GLT8D1: variants seen among roughly 807,000 people sequenced by gnomAD.
GLT8D1 encodes the protein glycosyltransferase 8 domain containing 1, also known as glycosyltransferase 8 domain-containing protein 1.
A neutral mutation model predicts 46.2 loss-of-function variants in GLT8D1; 41 were observed. That is an observed-to-expected ratio of 0.89 (90% CI 0.69 to 1.15). GLT8D1 has a LOEUF of 1.15. GLT8D1 is among the 50% of genes most tolerant of loss of function. The pLI is 0.00. For missense variants in GLT8D1, 408 were observed against 449.3 expected (o/e 0.91, Z 0.83); for synonymous variants, 150 against 154.2 (o/e 0.97, Z 0.20).
chr3:52,698,077 C>CT (rs1284994369), intron 3 of GLT8D1, 143 bp from the exon 4 acceptor site: 1 of 619,948 alleles, frequency 1.6e-6, no homozygotes, highest in Non-Finnish European at 2.9e-6. Flanking sequence ...AGCCCTGAAA[C>CT]TTTCCCTGTA....
At chr3:52,699,448 C>G (rs1276077825) in intron 3 of GLT8D1, among the ~76,000 whole-genome samples, 1 of 152,128 alleles carries the variant, frequency 6.6e-6, no homozygotes, top group Middle Eastern at 3.2e-3. Flanking sequence ...CCACGCCCAG[C>G]TAATTTTTGT....
Position 52,695,257 on chromosome 3 carries a change from A to T in GLT8D1, c.858T>A (p.Pro286=), listed in dbSNP as rs1311300013. Residue 286 remains proline (P), a synonymous_variant, in exon 9 of 10, where the codon CCT becomes CCA. Coordinates refer to ENST00000266014, the MANE Select transcript of GLT8D1 (RefSeq NM_018446.4). ...SRTLAGSITT[P]PLLIVFYQQH... ...GTTGATAAAATACGATAAGCAGAGG[A>T]GGTGTTGTGATGCTACCAGCCAGGG... is the stretch of plus-strand genomic sequence containing the variant. 6.2e-7 allele frequency: 1 copy of T among 1,613,864 alleles called. No homozygotes were observed. Among genetic ancestry groups the T allele is most frequent in the South Asian group, 1.1e-5 (1 of 91,050 alleles).
rs1309414335 is a variant in GLT8D1, at chr3:52,704,304, CA to C, written c.-37+1142del. ...TGAAACCCCGTCTCCACTAAAATCA[CA>C]AAAATTAGCCGGGCGTGGTGGCGCA... On this transcript the variant is annotated intron_variant, in intron 1 of 9. Transcript: ENST00000266014. Among the ~76,000 whole-genome samples the C allele has an allele frequency of 8.6e-5, 13 of 151,610 alleles. No homozygotes were observed. In the East Asian group the frequency reaches 2.3e-3, roughly 27 times the overall value.
At chr3:52,700,381 C>G in intron 2 of GLT8D1, 21 bp from the exon 3 acceptor site, 1 of 1,595,362 alleles carries the variant, frequency 6.3e-7, no homozygotes, top group Non-Finnish European at 8.6e-7. Context: ...TAGGGAAAAC[C>G]TATGTTATAC....
chr3:52,696,829 T>G (rs1348430037), intron 4 of GLT8D1, among the ~76,000 whole-genome samples, 170 bp from the exon 5 acceptor site: 1 of 101,040 alleles, frequency 9.9e-6, no homozygotes, highest in Non-Finnish European at 2.1e-5. Flanking sequence ...AGTCCCTCCC[T>G]GAATTAAGAT....
intron 4 of GLT8D1, 34 bp downstream of exon 4, chr3:52,697,687 C>T: frequency 7.0e-7 from 1 of 1,423,228 alleles, no homozygotes; most frequent in Non-Finnish European, 9.9e-7. Context: ...TCTAAATCAT[C>T]CTCTAGAAGC....
chr3:52,696,249 C>T lies in GLT8D1; in HGVS notation c.517G>A (p.Asp173Asn), dbSNP rs1561263550. The change falls in exon 6 of 10, where the codon GAT becomes AAT. Residue 173 changes from aspartate to asparagine, a missense_variant. Transcript: ENST00000266014. ...SAKKAIYMDD[D>N]VIVQGDILAL... is the part of the protein sequence containing the mutation. ...TTTTTGATACCTTGCACAATTACAT[C>T]ATCATCCATGTATATGGCCTTCTTT... The T allele has an allele frequency of 1.2e-6, 2 of 1,605,956 alleles. No homozygotes were observed. Among genetic ancestry groups the T allele is most frequent in the African/African-American group, 1.3e-5 (1 of 74,866 alleles).
chr3:52,702,532 C>T (rs904142852), intron 1 of GLT8D1, among the ~76,000 whole-genome samples: 6 of 151,836 alleles, frequency 4.0e-5, no homozygotes, highest in East Asian at 3.9e-4. Flanking sequence ...GGTGACAAAG[C>T]GACACCCTGT....
At chr3:52,700,958 A>T (rs907794477) in intron 1 of GLT8D1, among the ~76,000 whole-genome samples, 7 of 152,110 alleles carry the variant, frequency 4.6e-5, no homozygotes, top group African/African-American at 1.7e-4. Context: ...CCAGCTGCTC[A>T]GGAGGCTGAG....
chr3:52,698,346 ACAAT>A (rs1008070135), intron 3 of GLT8D1, among the ~76,000 whole-genome samples: 2 of 152,236 alleles, frequency 1.3e-5, no homozygotes, highest in African/African-American at 2.4e-5. Context: ...TGAGTGAGTC[ACAAT>A]CAATTTATAC....
rs1323889388 is a variant in GLT8D1 at position 52,696,301 on chromosome 3, G to T, written c.465C>A (p.Phe155Leu). The change falls in exon 6 of 10, where the codon TTC (phenylalanine) becomes TTA (leucine). Residue 155 changes from phenylalanine to leucine, a missense_variant. By Grantham distance (22) the Phe-to-Leu change is conservative. Transcript: ENST00000266014. ...ESMKPLTFAR[F>L]YLPILVPSAK... ...CGCTGGGAACCAGAATTGGCAAGTAGAACCTTGCAAAGGTTAACTGGAAAA... is the reference window on the plus strand; with the variant it reads ...CGCTGGGAACCAGAATTGGCAAGTATAACCTTGCAAAGGTTAACTGGAAAA... 2 of 1,608,738 alleles carry T rather than the reference G, an allele frequency of 1.2e-6. No homozygotes were observed. Among genetic ancestry groups the T allele is most frequent in the Admixed American group, 3.3e-5 (2 of 59,996 alleles).
intron 7 of GLT8D1, 115 bp from the exon 8 acceptor site, chr3:52,695,702 T>C: frequency 1.4e-6 from 1 of 693,796 alleles, no homozygotes; most frequent in South Asian, 1.9e-5. Flanking sequence ...AAAATAAATA[T>C]TTGAAATTCC....
intron 3 of GLT8D1, 142 bp downstream of exon 3, chr3:52,700,120 G>A: frequency 1.7e-6 from 1 of 593,094 alleles, no homozygotes; most frequent in South Asian, 2.3e-5. Context: ...CTCTGATTTG[G>A]TGAAAAGGAA....
chr3:52,698,309 C>T (rs779984235), intron 3 of GLT8D1, among the ~76,000 whole-genome samples: 4 of 152,154 alleles, frequency 2.6e-5, no homozygotes, highest in African/African-American at 4.8e-5. Context: ...TTTCAAGTCA[C>T]GAATCACAAG....
In GLT8D1 at chr3:52,696,283, A is replaced by G; in HGVS notation, c.483T>C (p.Val161=). ...TFARFYLPIL[V]PSAKKAIYMD... The stretch of plus-strand genomic sequence containing the variant: ...TGTATATGGCCTTCTTTGCGCTGGG[A>G]ACCAGAATTGGCAAGTAGAACCTTG... The change falls in exon 6 of 10, where the codon GTT becomes GTC. Residue 161 remains valine (V), a synonymous_variant. Transcript: ENST00000266014. 6.2e-7 allele frequency: 1 copy of G among 1,612,828 alleles called. No homozygotes were observed. Among genetic ancestry groups the G allele is most frequent in the Non-Finnish European group, 8.5e-7 (1 of 1,178,818 alleles).
intron 5 of GLT8D1, 26 bp from the exon 6 acceptor site, chr3:52,696,344 T>A (rs1458126763): frequency 1.4e-6 from 2 of 1,452,832 alleles, no homozygotes; most frequent in Admixed American, 1.7e-5. Context: ...ATAATTGGCA[T>A]AGGATACCGC....
At chr3:52,695,082 T>C (rs377117753) in intron 9 of GLT8D1, 47 bp from the exon 10 acceptor site, 2 of 1,507,678 alleles carry the variant, frequency 1.3e-6, no homozygotes, top group Non-Finnish European at 1.8e-6. Context: ...CATGTGAAAT[T>C]GTGCAGAAAA....
Position 52,694,860 on chromosome 3 carries a change from G to A in GLT8D1, c.1101C>T (p.Ile367=). 9 of 1,609,448 alleles carry A rather than the reference G, an allele frequency of 5.6e-6. No individual in the cohort carries two copies. The highest frequency in any genetic ancestry group is 7.7e-6 in the Non-Finnish European group (9 of 1,175,742). The part of the protein sequence containing the change: ...KFNLIRRYTE[I]SNIK ...AAATTCTGTTTCACTTTATGTTTGA[G>A]ATCTCGGTATATCTTCGGATTAGGT... Residue 367 remains isoleucine (I), a synonymous_variant, in exon 10 of 10, where the codon ATC becomes ATT. Transcript: ENST00000266014.
At position 52,697,817 on chromosome 3, in the gene GLT8D1, C is replaced by G. The variant is rs760081278; in HGVS notation, c.233G>C (p.Gly78Ala). The change falls in exon 4 of 10, where the codon GGG becomes GCG. Residue 78 changes from glycine to alanine, a missense_variant. Gly to Ala is a moderately conservative substitution (Grantham distance 60, BLOSUM62 0). Coordinates refer to ENST00000266014, the MANE Select transcript of GLT8D1 (RefSeq NM_018446.4). ...GCTGTTTATAGCTGCAATGGCCCCC[C>G]CAAGCCTGTCTTCAGATGCAGCGAT... ...VVIAASEDRL[G>A]GAIAAINSIQ... 17 of 1,613,644 alleles carry G rather than the reference C, an allele frequency of 1.1e-5. No homozygotes were observed. Among genetic ancestry groups the G allele is most frequent in the South Asian group, 4.4e-5 (4 of 91,068 alleles).
Sources: allele counts gnomAD v4.1 joint callset (sites outside exome capture counted in the v4.1 genomes callset), GRCh38; gene constraint gnomAD v4.1.1; transcripts MANE v1.5; gene names NCBI Gene and HGNC (gene_info 2026-07-23, HGNC 2026-07-21).